Variants in CDH12 observed in about 807,000 individuals in gnomAD.
CDH12 encodes the protein cadherin-12.
CDH12 carries 41 observed loss-of-function variants against 74.1 expected under a neutral mutation model. The ratio of observed to expected loss-of-function variants is 0.55; its 90% CI spans 0.43 to 0.72. CDH12 has a LOEUF of 0.72. Ranked by LOEUF, CDH12 falls within the 30% of genes least tolerant of loss-of-function variation. CDH12 has a pLI of 0.00. For missense variants in CDH12, 945 were observed against 977.2 expected, an observed-to-expected ratio of 0.97 and a Z score of 0.44; for synonymous variants, 399 against 355.0, an observed-to-expected ratio of 1.12 and a Z score of -1.39.
chr5:21,968,732 C>A (rs1756697581), intron 6 of CDH12, among the ~76,000 whole-genome samples: 1 of 152,046 alleles, frequency 6.6e-6, no homozygotes, highest in Non-Finnish European at 1.5e-5. Context: ...TAACTGGCCT[C>A]TTTAGTATCA....
At chr5:22,562,643 C>G (rs1193531029) in intron 1 of CDH12, among the ~76,000 whole-genome samples, 1 of 151,252 alleles carries the variant, frequency 6.6e-6, no homozygotes, top group Non-Finnish European at 1.5e-5. Flanking sequence ...AAGGAAATCA[C>G]TTTTACTTTA....
chr5:22,493,200 C>A (rs1746959839), intron 2 of CDH12, among the ~76,000 whole-genome samples: 1 of 152,210 alleles, frequency 6.6e-6, no homozygotes, highest in East Asian at 1.9e-4. Flanking sequence ...GACCACCAAT[C>A]TGAATTAAAC....
chr5:22,201,954 G>A (rs1354803005), intron 4 of CDH12, among the ~76,000 whole-genome samples: 1 of 152,142 alleles, frequency 6.6e-6, no homozygotes, highest in East Asian at 1.9e-4. Flanking sequence ...TTGGATCTGT[G>A]GGAAGTCAGA....
chr5:22,658,279 A>G (rs1740160708), intron 1 of CDH12, among the ~76,000 whole-genome samples: 1 of 152,136 alleles, frequency 6.6e-6, no homozygotes. Context: ...GTGTTCATAT[A>G]AAATACCCAT....
chr5:22,121,898 G>GATTA (rs1745534795), intron 4 of CDH12, among the ~76,000 whole-genome samples: 1 of 151,922 alleles, frequency 6.6e-6, no homozygotes, highest in Admixed American at 6.6e-5. Flanking sequence ...AAACATCATA[G>GATTA]ATTAATTGTG....
chr5:22,580,405 G>T, intron 1 of CDH12: 1 of 497,122 alleles, frequency 2.0e-6, no homozygotes. Context: ...GGTGGGTAGG[G>T]AGCATCCTCA....
At chr5:21,783,111 C>G (rs1009080532) in intron 11 of CDH12, among the ~76,000 whole-genome samples, 1 of 151,924 alleles carries the variant, frequency 6.6e-6, no homozygotes, top group Non-Finnish European at 1.5e-5. Context: ...AAGCATAGAA[C>G]AGGATGAGGT....
intron 2 of CDH12, among the ~76,000 whole-genome samples, chr5:22,410,774 A>G (rs1461192164): frequency 6.6e-6 from 1 of 152,122 alleles, no homozygotes; most frequent in African/African-American, 2.4e-5. Context: ...CTTTAAAAAA[A>G]CATGTTTGGG....
At chr5:21,949,868 G>A (rs1388544579) in intron 6 of CDH12, among the ~76,000 whole-genome samples, 1 of 152,136 alleles carries the variant, frequency 6.6e-6, no homozygotes, top group Non-Finnish European at 1.5e-5. Context: ...TGTAGGATAA[G>A]TTTAATGTAT....
chr5:21,755,507 T>G, intron 14 of CDH12, 84 bp downstream of exon 14: 1 of 1,212,282 alleles, frequency 8.2e-7, no homozygotes, highest in Non-Finnish European at 1.2e-6. Context: ...CATGATAAAT[T>G]GAGGAGAGAG....
intron 1 of CDH12, among the ~76,000 whole-genome samples, chr5:22,648,877 G>T (rs1739578983): frequency 6.6e-6 from 1 of 151,626 alleles, no homozygotes; most frequent in African/African-American, 2.4e-5. Context: ...TATTTTTCTT[G>T]CCAATTACTT....
chr5:21,879,648 T>C (rs1752136868), intron 6 of CDH12, among the ~76,000 whole-genome samples: 1 of 152,222 alleles, frequency 6.6e-6, no homozygotes, highest in Non-Finnish European at 1.5e-5. Flanking sequence ...TATGTGGAAT[T>C]TTTTATGTAT....
chr5:22,079,150 A>G (rs1419556714), intron 4 of CDH12, among the ~76,000 whole-genome samples: 2 of 152,184 alleles, frequency 1.3e-5, no homozygotes, highest in Non-Finnish European at 2.9e-5. Context: ...AATACAGACC[A>G]CTATTTTAAA....
At chr5:22,634,696 A>G (rs1055774219) in intron 1 of CDH12, among the ~76,000 whole-genome samples, 1 of 152,136 alleles carries the variant, frequency 6.6e-6, no homozygotes, top group African/African-American at 2.4e-5. Context: ...GCAAAAATCA[A>G]TTGAATACTA....
At chr5:22,106,439 T>C (rs374135727) in intron 4 of CDH12, among the ~76,000 whole-genome samples, 1 of 152,236 alleles carries the variant, frequency 6.6e-6, no homozygotes, top group East Asian at 1.9e-4. Flanking sequence ...GATGTGCTAA[T>C]TGTCCTAATA....
chr5:21,892,575 A>G (rs1372506534), intron 6 of CDH12, among the ~76,000 whole-genome samples: 3 of 152,172 alleles, frequency 2.0e-5, no homozygotes, highest in African/African-American at 2.4e-5. Context: ...AAAGCCACAA[A>G]TTCTTCTTGT....
At chr5:22,587,990 A>G (rs1740498455) in intron 1 of CDH12, among the ~76,000 whole-genome samples, 2 of 148,876 alleles carry the variant, frequency 1.3e-5, no homozygotes, top group Admixed American at 6.8e-5. Context: ...ATACATATAT[A>G]TGTGTGTCTA....
intron 1 of CDH12, among the ~76,000 whole-genome samples, chr5:22,514,911 T>C (rs1451437348): frequency 6.6e-6 from 1 of 152,172 alleles, no homozygotes; most frequent in Non-Finnish European, 1.5e-5. Context: ...AGAGATGTGA[T>C]TATGTTTTAC....
chr5:22,528,325 G>GA (rs1387106986), intron 1 of CDH12, among the ~76,000 whole-genome samples: 1 of 152,090 alleles, frequency 6.6e-6, no homozygotes, highest in Non-Finnish European at 1.5e-5. Flanking sequence ...CATTGGCAAA[G>GA]AAAACTCATG....
Sources: gnomAD v4.1 joint callset for allele counts (sites outside exome capture counted in the v4.1 genomes callset) on GRCh38, gnomAD v4.1.1 for gene constraint, MANE v1.5 for transcripts, NCBI Gene and HGNC (gene_info 2026-07-23, HGNC 2026-07-21) for gene names.